FAM209A: variants seen among roughly 807,000 people sequenced by gnomAD.
FAM209A encodes protein FAM209A.
FAM209A carries 4 observed loss-of-function variants against 9.8 expected under a neutral mutation model. The observed-to-expected ratio is 0.41, with a 90% CI of 0.20 to 0.94. The LOEUF is 0.94. Ranked by LOEUF, FAM209A falls within the 40% of genes least tolerant of loss-of-function variation. The pLI is 0.32. For synonymous variants in FAM209A, 55 were observed against 77.8 expected (o/e 0.71, Z 1.54); for missense variants, 205 against 209.4 (o/e 0.98, Z 0.13).
the FAM209A span, chr20:56,533,170 G>A: frequency 1.4e-6 from 2 of 1,478,926 alleles, no homozygotes; most frequent in Non-Finnish European, 1.8e-6. Flanking sequence ...CCTCCTCCCG[G>A]GCGACTCCTG....
At chr20:56,529,864 T>A (rs1290947709), downstream of FAM209A, among the ~76,000 whole-genome samples, 2 of 151,540 alleles carry the variant, frequency 1.3e-5, no homozygotes, top group Non-Finnish European at 2.9e-5. Flanking sequence ...TAAATACAAA[T>A]ACGAAAATTA....
At chr20:56,531,240 C>T in the FAM209A span, among the ~76,000 whole-genome samples, 1 of 152,068 alleles carries the variant, frequency 6.6e-6, no homozygotes. Context: ...AGAGCAGTCC[C>T]CTTGTGCTCG....
chr20:56,525,395 GT>G (rs1985480521), intron 1 of FAM209A, among the ~76,000 whole-genome samples: 1 of 152,170 alleles, frequency 6.6e-6, no homozygotes, highest in Non-Finnish European at 1.5e-5. Flanking sequence ...ACTAGCCCCT[GT>G]TTTTTAAATT....
At position 56,524,922 on chromosome 20, in the gene FAM209A, C is replaced by T. The variant is rs765922904; in HGVS notation, c.114C>T (p.Tyr38=). The part of the protein sequence containing the change: ...KTSEPQGKVQ[Y]GEHFRIRQNL... ...GCGAACCCCAGGGGAAGGTGCAATACGGAGAGCACTTTCGGATTCGGCAGA... is the reference window on the plus strand; with the variant it reads ...GCGAACCCCAGGGGAAGGTGCAATATGGAGAGCACTTTCGGATTCGGCAGA... Residue 38 remains tyrosine (Y), a synonymous_variant, in exon 1 of 2, where the codon TAC becomes TAT. Transcript: ENST00000371328. 86 of 1,599,618 alleles carry T rather than the reference C, an allele frequency of 5.4e-5. 1 individual carries two copies. The highest frequency in any genetic ancestry group is 1.7e-4 in the Middle Eastern group (1 of 5,976).
chr20:56,529,236 G>T (rs1174224650), downstream of FAM209A, among the ~76,000 whole-genome samples: 1 of 149,628 alleles, frequency 6.7e-6, no homozygotes, highest in Non-Finnish European at 1.5e-5. Flanking sequence ...TTATTCTTAG[G>T]CTGGGTGTGG....
At chr20:56,528,427 CAAAAA>C (rs34236877), downstream of FAM209A, among the ~76,000 whole-genome samples, 2 of 81,834 alleles carry the variant, frequency 2.4e-5, no homozygotes, top group African/African-American at 9.8e-5. Flanking sequence ...ACCCTCTCTA[CAAAAA>C]AAAAAAAAAA....
the FAM209A span, among the ~76,000 whole-genome samples, chr20:56,532,480 CTTTTTTTT>C: frequency 1.9e-4 from 21 of 108,250 alleles, no homozygotes; most frequent in Admixed American, 1.5e-3. Context: ...TTTTCTTTTT[CTTTTTTTT>C]TTTTTTTTTT....
the FAM209A span, chr20:56,533,176 T>C: frequency 0.085 from 113,924 of 1,343,572 alleles, 12,215 homozygotes; most frequent in Middle Eastern, 0.2. Context: ...CCCGGGCGAC[T>C]CCTGTGACCT....
In FAM209A at chr20:56,525,834, C is replaced by T; in HGVS notation, c.280C>T (p.Gln94Ter). ...GAGTCCTCCTGGCCTTCGAGGCGGC[C>T]AACTTCACTCTCCATTAAAGAAAAA... is the stretch of plus-strand genomic sequence containing the variant. The part of the protein sequence containing the change: ...EQSPPGLRGG[Q>*]LHSPLKKKRN... The change falls in exon 2 of 2, where the codon CAA becomes TAA. Residue 94 changes from glutamine (Q) to a stop codon, truncating the protein, a stop_gained. Transcript: ENST00000371328. LOFTEE classifies it low-confidence loss of function (END_TRUNC). 1 of 1,614,120 alleles carries T rather than the reference C, an allele frequency of 6.2e-7. No homozygotes were observed. The highest frequency in any genetic ancestry group is 1.6e-4 in the Middle Eastern group (1 of 6,062).
chr20:56,533,352 T>C, the FAM209A span: 1 of 1,613,986 alleles, frequency 6.2e-7, no homozygotes, highest in Non-Finnish European at 8.5e-7. Flanking sequence ...ATGTGGACGC[T>C]GAAATCGTCC....
the FAM209A span, among the ~76,000 whole-genome samples, chr20:56,531,983 T>C: frequency 6.8e-6 from 1 of 146,418 alleles, no homozygotes; most frequent in African/African-American, 2.5e-5. Context: ...TCTTTTTTTT[T>C]TTTTTTTTTG....
the FAM209A span, among the ~76,000 whole-genome samples, chr20:56,532,913 C>T: frequency 5.3e-5 from 8 of 152,124 alleles, no homozygotes; most frequent in African/African-American, 1.4e-4. Flanking sequence ...TAGGTGGCTC[C>T]GAGTTTGTAG....
At chr20:56,533,496 C>A in the FAM209A span, 4 of 1,614,198 alleles carry the variant, frequency 2.5e-6, no homozygotes, top group East Asian at 8.9e-5. Context: ...CCAGAGCACA[C>A]CCAAGGCTGG....
chr20:56,531,974 C>CTTTTCTTTTTT, the FAM209A span, among the ~76,000 whole-genome samples: 15 of 113,010 alleles, frequency 1.3e-4, no homozygotes, highest in Non-Finnish European at 2.2e-4. Context: ...CTTTTCTTTT[C>CTTTTCTTTTTT]TTTTTTTTTT....
the FAM209A span, among the ~76,000 whole-genome samples, chr20:56,532,931 G>A: frequency 2.0e-5 from 3 of 152,222 alleles, no homozygotes; most frequent in Non-Finnish European, 4.4e-5. Context: ...TAGGTAGCCT[G>A]TGGTTTAATA....
chr20:56,530,783 A>G (rs910183541), downstream of FAM209A, among the ~76,000 whole-genome samples: 3 of 151,528 alleles, frequency 2.0e-5, no homozygotes, highest in African/African-American at 4.9e-5. Flanking sequence ...TGCTGGGATT[A>G]CAGGCATGAG....
downstream of FAM209A, among the ~76,000 whole-genome samples, chr20:56,529,302 A>G (rs1180814585): frequency 1.3e-5 from 2 of 152,120 alleles, no homozygotes; most frequent in African/African-American, 2.4e-5. Flanking sequence ...GGATCACCTG[A>G]GGTCAGGAGT....
chr20:56,525,073 T>C lies in FAM209A; in HGVS notation c.249+16T>C. 1 of 1,605,214 alleles carries C rather than the reference T, an allele frequency of 6.2e-7. No individual in the cohort carries two copies. Among genetic ancestry groups the C allele is most frequent in the South Asian group, 1.1e-5 (1 of 90,380 alleles). On this transcript the variant is annotated intron_variant, in intron 1 of 1. Coordinates refer to ENST00000371328, the MANE Select transcript of FAM209A (RefSeq NM_001012971.4). ...GAAGAATAAGGTAAGGATGGCTCCA[T>C]TTTTTTTACACCATATTGATTCAAT...
chr20:56,529,879 G>T (rs912723867), downstream of FAM209A, among the ~76,000 whole-genome samples: 1 of 152,028 alleles, frequency 6.6e-6, no homozygotes, highest in South Asian at 2.1e-4. Context: ...AAATTAGGCA[G>T]GCGTGATGGC....
Sources: allele counts gnomAD v4.1 joint callset (sites outside exome capture counted in the v4.1 genomes callset), GRCh38; gene constraint gnomAD v4.1.1; transcripts MANE v1.5; gene names NCBI Gene and HGNC (gene_info 2026-07-23, HGNC 2026-07-21).